The following LMO1 variants were observed in gnomAD, a reference collection of about 807,000 sequenced individuals.
LMO1 encodes rhombotin-1.
Under a neutral mutation model 18.0 loss-of-function variants are expected in LMO1, and 10 were observed. That is an observed-to-expected ratio of 0.55 (90% CI 0.34 to 0.94). The LOEUF (loss-of-function observed/expected upper bound fraction) is 0.94, where lower values mean the gene tolerates loss of function less well. Ranked by LOEUF, LMO1 falls within the 40% of genes least tolerant of loss-of-function variation. The pLI is 0.02. For missense variants in LMO1, 183 were observed against 205.7 expected (o/e 0.89, Z 0.68); for synonymous variants, 77 against 77.9 (o/e 0.99, Z 0.06).
chr11:8,243,756 G>T (rs1363745641), intron 1 of LMO1, among the ~76,000 whole-genome samples: 1 of 152,218 alleles, frequency 6.6e-6, no homozygotes, highest in Non-Finnish European at 1.5e-5. Context: ...AGAACAGACT[G>T]CTCTAGCCAA....
chr11:8,263,460 G>A lies in LMO1; in HGVS notation c.-98C>T. On this transcript the variant is annotated 5_prime_UTR_variant, in exon 1 of 4. Transcript: ENST00000335790. ...GGGGCGGCCGGTCTTCGGGCAGCTA[G>A]CGGGCTCTAATTACCCGCTTGTCCG... 6.4e-7 allele frequency: 1 copy of A among 1,553,330 alleles called. No homozygotes were observed. Among genetic ancestry groups the A allele is most frequent in the Non-Finnish European group, 8.6e-7 (1 of 1,157,970 alleles).
chr11:8,243,916 A>G (rs1375251141), intron 1 of LMO1, among the ~76,000 whole-genome samples: 2 of 152,058 alleles, frequency 1.3e-5, no homozygotes, highest in East Asian at 3.9e-4. Context: ...TCATCAGCTC[A>G]CAGTGCATGT....
upstream of LMO1, among the ~76,000 whole-genome samples, chr11:8,267,717 C>G (rs149706139): frequency 2.3e-3 from 356 of 152,284 alleles, 3 homozygotes; most frequent in African/African-American, 8.1e-3. Flanking sequence ...CCTGAAGGAC[C>G]CTAAACTTCA....
chr11:8,228,086 T>G (rs1043549693), intron 2 of LMO1, among the ~76,000 whole-genome samples: 1 of 152,252 alleles, frequency 6.6e-6, no homozygotes, highest in Non-Finnish European at 1.5e-5. Flanking sequence ...TAGGGATGGA[T>G]GATCCTATTC....
intron 1 of LMO1, among the ~76,000 whole-genome samples, chr11:8,260,538 A>G (rs1432294560): frequency 6.6e-6 from 1 of 152,062 alleles, no homozygotes; most frequent in Non-Finnish European, 1.5e-5. Flanking sequence ...GCTCGACCTA[A>G]TGGATTACTT....
chr11:8,260,169 C>T (rs1351234050), intron 1 of LMO1, among the ~76,000 whole-genome samples: 2 of 152,202 alleles, frequency 1.3e-5, no homozygotes, highest in African/African-American at 4.8e-5. Context: ...GCTGTCTGCT[C>T]CTACTCAAAG....
upstream of LMO1, among the ~76,000 whole-genome samples, chr11:8,264,400 G>A (rs369134307): frequency 4.6e-5 from 7 of 152,120 alleles, no homozygotes; most frequent in South Asian, 1.2e-3. Flanking sequence ...TATGTGCCAA[G>A]CACAGTTCTA....
chr11:8,253,759 G>A (rs1450923990), intron 1 of LMO1, among the ~76,000 whole-genome samples: 1 of 152,066 alleles, frequency 6.6e-6, no homozygotes, highest in Non-Finnish European at 1.5e-5. Flanking sequence ...GTGCCAACCA[G>A]CAAAGTTGAA....
intron 1 of LMO1, among the ~76,000 whole-genome samples, chr11:8,235,490 A>G (rs1952746717): frequency 6.6e-6 from 1 of 152,254 alleles, no homozygotes; most frequent in Non-Finnish European, 1.5e-5. Context: ...TCAGAAAATT[A>G]TCATTGACAT....
upstream of LMO1, chr11:8,263,967 GT>G (rs2134593780): frequency 1.4e-6 from 1 of 735,156 alleles, no homozygotes; most frequent in South Asian, 6.2e-5. Context: ...ACGCACGGCT[GT>G]CCGGCTCCGC....
upstream of LMO1, among the ~76,000 whole-genome samples, chr11:8,265,479 C>T (rs991172099): frequency 3.0e-5 from 4 of 133,660 alleles, no homozygotes; most frequent in East Asian, 7.7e-4. Flanking sequence ...CAGAAAAGCG[C>T]TGCTTCTAAT....
intron 1 of LMO1, among the ~76,000 whole-genome samples, chr11:8,259,274 A>G (rs1847147794): frequency 3.3e-5 from 5 of 152,116 alleles, no homozygotes; most frequent in Admixed American, 3.3e-4. Context: ...AAGAGCAGGG[A>G]ACAGAGAGAA....
At position 8,263,462 on chromosome 11, in the gene LMO1, G is replaced by T. The variant is rs536362327; in HGVS notation, c.-100C>A. 1 of 1,550,468 alleles carries T rather than the reference G, an allele frequency of 6.4e-7. No homozygotes were observed. The highest frequency in any genetic ancestry group is 1.4e-5 in the African/African-American group (1 of 72,208). Reference sequence around the variant, plus strand: ...GGCGGCCGGTCTTCGGGCAGCTAGCGGGCTCTAATTACCCGCTTGTCCGGC... The same window carrying T: ...GGCGGCCGGTCTTCGGGCAGCTAGCTGGCTCTAATTACCCGCTTGTCCGGC... On this transcript the variant is annotated 5_prime_UTR_variant, in exon 1 of 4. Transcript: ENST00000335790.
chr11:8,265,356 GCTAGGT>G (rs1847250176), upstream of LMO1, among the ~76,000 whole-genome samples: 1 of 152,128 alleles, frequency 6.6e-6, no homozygotes, highest in Admixed American at 6.5e-5. Flanking sequence ...AGACCTGGAG[GCTAGGT>G]CTTACCCTTT....
intron 1 of LMO1, among the ~76,000 whole-genome samples, chr11:8,245,406 A>G (rs1313735116): frequency 1.3e-5 from 2 of 152,252 alleles, no homozygotes; most frequent in East Asian, 3.9e-4. Context: ...GCAAAACTAG[A>G]GCAATAACAT....
intron 1 of LMO1, among the ~76,000 whole-genome samples, chr11:8,249,717 C>T (rs16937280): frequency 0.032 from 4,852 of 152,226 alleles, 222 homozygotes; most frequent in African/African-American, 0.1. Context: ...CTGATGATGC[C>T]CCAAGCTCCA....
chr11:8,231,644 C>T (rs529293765), intron 1 of LMO1, among the ~76,000 whole-genome samples: 6 of 152,240 alleles, frequency 3.9e-5, no homozygotes, highest in South Asian at 4.1e-4. Context: ...CTGACCAAGG[C>T]GCAGCTGGAT....
At chr11:8,231,084 G>T (rs1191024968) in intron 1 of LMO1, among the ~76,000 whole-genome samples, 2 of 152,180 alleles carry the variant, frequency 1.3e-5, no homozygotes, top group Non-Finnish European at 2.9e-5. Flanking sequence ...GCTCCTGGCA[G>T]GTAAGCGGAG....
chr11:8,232,083 G>A (rs1486425160), intron 1 of LMO1, among the ~76,000 whole-genome samples: 1 of 152,114 alleles, frequency 6.6e-6, no homozygotes, highest in Admixed American at 6.5e-5. Flanking sequence ...AGCCCAGCTG[G>A]CTCCTCAGAC....
Sources: allele counts gnomAD v4.1 joint callset (sites outside exome capture counted in the v4.1 genomes callset), GRCh38; gene constraint gnomAD v4.1.1; transcripts MANE v1.5; gene names NCBI Gene and HGNC (gene_info 2026-07-23, HGNC 2026-07-21).